Variants in PCSK6 observed in about 807,000 individuals in gnomAD.
PCSK6 encodes the protein paired basic amino acid cleaving enzyme 4.
In PCSK6, 85 loss-of-function variants were observed where a neutral mutation model predicts 123.3. That is an observed-to-expected ratio of 0.69 (90% CI 0.58 to 0.83). The LOEUF (loss-of-function observed/expected upper bound fraction) is 0.83, where lower values mean the gene tolerates loss of function less well. Among genes scored for constraint, PCSK6 ranks in the 40% least tolerant of loss-of-function variants. The pLI is 0.00. For missense variants in PCSK6, 1,191 were observed against 1,282.3 expected (o/e 0.93, Z 1.09); for synonymous variants, 508 against 516.0 (o/e 0.98, Z 0.21).
intron 1 of PCSK6, among the ~76,000 whole-genome samples, chr15:101,467,984 G>A (rs768436806): frequency 6.6e-6 from 1 of 152,138 alleles, no homozygotes; most frequent in Non-Finnish European, 1.5e-5. Context: ...AGGTTCTATT[G>A]TTATACTTTG....
At chr15:101,432,350 A>G (rs2056472842) in intron 2 of PCSK6, among the ~76,000 whole-genome samples, 1 of 151,920 alleles carries the variant, frequency 6.6e-6, no homozygotes, top group Non-Finnish European at 1.5e-5. Context: ...TAAAAGAAAG[A>G]AAGTGCTCAC....
At chr15:101,463,073 C>T (rs983004552) in intron 1 of PCSK6, 10 of 460,604 alleles carry the variant, frequency 2.2e-5, no homozygotes, top group Admixed American at 4.6e-5. Context: ...CCCTGCCCTG[C>T]GGACACTTCT....
intron 11 of PCSK6, among the ~76,000 whole-genome samples, chr15:101,370,809 C>G (rs73477062): frequency 0.011 from 1,639 of 152,352 alleles, 39 homozygotes; most frequent in African/African-American, 0.038. Context: ...TTTGGGAGGC[C>G]GAGGCACCGC....
At chr15:101,315,705 T>TG (rs1213917797) in intron 19 of PCSK6, among the ~76,000 whole-genome samples, 11 of 152,274 alleles carry the variant, frequency 7.2e-5, no homozygotes, top group Admixed American at 5.9e-4. Flanking sequence ...CACAGGTGCT[T>TG]GGGGCACTGC....
chr15:101,337,538 A>G (rs2040509140), intron 13 of PCSK6: 2 of 152,240 alleles, frequency 1.3e-5, no homozygotes, highest in African/African-American at 4.8e-5. Flanking sequence ...CTCTTTTGGC[A>G]TATTTCCTCC....
chr15:101,391,828 G>A (rs922371305), intron 8 of PCSK6, among the ~76,000 whole-genome samples: 5 of 152,076 alleles, frequency 3.3e-5, no homozygotes, highest in Admixed American at 6.6e-5. Context: ...CAGACTTCCC[G>A]GGCAGTGACC....
intron 13 of PCSK6, among the ~76,000 whole-genome samples, chr15:101,333,040 T>G (rs73493325): frequency 4.6e-4 from 70 of 152,338 alleles, no homozygotes; most frequent in African/African-American, 1.6e-3. Flanking sequence ...GTTGAAAATA[T>G]CATCGAAATA....
chr15:101,415,305 C>T (rs2055849616), intron 6 of PCSK6, among the ~76,000 whole-genome samples: 1 of 152,196 alleles, frequency 6.6e-6, no homozygotes, highest in African/African-American at 2.4e-5. Flanking sequence ...GCTGAAGCAG[C>T]CAGGTCTGTG....
At chr15:101,321,505 C>T (rs1036112662) in intron 18 of PCSK6, among the ~76,000 whole-genome samples, 1 of 152,242 alleles carries the variant, frequency 6.6e-6, no homozygotes, top group African/African-American at 2.4e-5. Context: ...TCACAGGTTG[C>T]TGCAAAGATT....
intron 2 of PCSK6, among the ~76,000 whole-genome samples, chr15:101,434,930 T>G (rs1354512397): frequency 2.6e-5 from 4 of 152,184 alleles, no homozygotes; most frequent in African/African-American, 9.7e-5. Flanking sequence ...CAGGTTCACC[T>G]TCCCCAGTGT....
intron 13 of PCSK6, among the ~76,000 whole-genome samples, chr15:101,336,588 T>G (rs2040483823): frequency 6.6e-6 from 1 of 152,256 alleles, no homozygotes; most frequent in Non-Finnish European, 1.5e-5. Flanking sequence ...GACAAATTTC[T>G]GATTTGATAA....
chr15:101,373,616 T>G (rs543078261), intron 11 of PCSK6, among the ~76,000 whole-genome samples: 1 of 152,352 alleles, frequency 6.6e-6, no homozygotes, highest in Admixed American at 6.5e-5. Context: ...AAATGTTTCA[T>G]GATCATTGTG....
intron 3 of PCSK6, 170 bp from the exon 4 acceptor site, chr15:101,431,633 C>A: frequency 1.2e-6 from 1 of 803,644 alleles, no homozygotes. Flanking sequence ...GATCGAGAAT[C>A]ATGCAGACGG....
intron 6 of PCSK6, among the ~76,000 whole-genome samples, chr15:101,419,906 G>C (rs2056022676): frequency 6.6e-6 from 1 of 152,046 alleles, no homozygotes; most frequent in Admixed American, 6.6e-5. Flanking sequence ...GAACAGAAAG[G>C]CTGGTTGTAG....
chr15:101,421,962 A>C (rs2056097654), intron 6 of PCSK6, among the ~76,000 whole-genome samples: 2 of 152,234 alleles, frequency 1.3e-5, no homozygotes, highest in Admixed American at 6.5e-5. Flanking sequence ...AAACTCTGAA[A>C]AAATATTTAC....
chr15:101,320,745 T>C (rs1190985089), intron 18 of PCSK6, among the ~76,000 whole-genome samples: 1 of 152,212 alleles, frequency 6.6e-6, no homozygotes, highest in Non-Finnish European at 1.5e-5. Flanking sequence ...GCTCGGCTGC[T>C]CTCTTGCTGC....
intron 2 of PCSK6, among the ~76,000 whole-genome samples, chr15:101,433,446 G>T (rs146188229): frequency 6.6e-6 from 1 of 152,218 alleles, no homozygotes; most frequent in Admixed American, 6.5e-5. Context: ...GCTCAAAGCT[G>T]GGGTTCAGCC....
chr15:101,313,205 T>C (rs931199128), intron 20 of PCSK6, 171 bp downstream of exon 20: 2 of 1,530,248 alleles, frequency 1.3e-6, no homozygotes, highest in Admixed American at 2.0e-5. Context: ...ATGCATCCAG[T>C]GAACAAAGGG....
chr15:101,415,869 C>T (rs1257112495), intron 6 of PCSK6, among the ~76,000 whole-genome samples: 1 of 152,252 alleles, frequency 6.6e-6, no homozygotes, highest in Non-Finnish European at 1.5e-5. Flanking sequence ...TCGCCTCCCA[C>T]CATGATTCTG....
Sources: gnomAD v4.1 joint callset for allele counts (sites outside exome capture counted in the v4.1 genomes callset) on GRCh38, gnomAD v4.1.1 for gene constraint, MANE v1.5 for transcripts, NCBI Gene and HGNC (gene_info 2026-07-23, HGNC 2026-07-21) for gene names.